Variants in KHDRBS2 observed in about 807,000 individuals in gnomAD.
KHDRBS2 encodes KH domain-containing, RNA-binding, signal transduction-associated protein 2.
A neutral mutation model predicts 44.3 loss-of-function variants in KHDRBS2; 26 were observed. That is an observed-to-expected ratio of 0.59 (90% CI 0.43 to 0.81). The LOEUF is 0.81. KHDRBS2 is among the 40% of genes least tolerant of loss of function. The pLI, the probability that KHDRBS2 is intolerant of heterozygous loss-of-function variation, is 0.00. For synonymous variants in KHDRBS2, 194 were observed against 151.1 expected, an observed-to-expected ratio of 1.28 and a Z score of -2.08; for missense variants, 476 against 433.1, an observed-to-expected ratio of 1.10 and a Z score of -0.88.
intron 2 of KHDRBS2, among the ~76,000 whole-genome samples, chr6:62,108,840 G>A (rs953601528): frequency 5.3e-5 from 8 of 151,990 alleles, no homozygotes; most frequent in African/African-American, 1.2e-4. Context: ...GCAAACTATC[G>A]CAAGGACAAA....
At chr6:61,705,999 C>G (rs796443355) in intron 7 of KHDRBS2, among the ~76,000 whole-genome samples, 14 of 151,860 alleles carry the variant, frequency 9.2e-5, no homozygotes, top group African/African-American at 3.4e-4. Flanking sequence ...CATTGTATTC[C>G]CAGGGGGCAA....
At chr6:62,157,444 G>A (rs1238783923) in intron 2 of KHDRBS2, among the ~76,000 whole-genome samples, 1 of 152,136 alleles carries the variant, frequency 6.6e-6, no homozygotes, top group Non-Finnish European at 1.5e-5. Context: ...CTGAAATGTA[G>A]AACATCTTGC....
At chr6:62,054,583 G>C (rs554224186) in intron 2 of KHDRBS2, among the ~76,000 whole-genome samples, 12 of 152,186 alleles carry the variant, frequency 7.9e-5, no homozygotes, top group African/African-American at 2.9e-4. Context: ...TTAAAAGAAA[G>C]AAGGAGGCAG....
rs116445256 is a variant in KHDRBS2, at chr6:62,267,066, A to G, written c.91+18792T>C. On this transcript the variant is annotated intron_variant, in intron 1 of 8. Coordinates refer to ENST00000281156, the MANE Select transcript of KHDRBS2 (RefSeq NM_152688.4). ...CTGGGAGAACCCAAACTGAAACATTATAAGAGATTGCTGTTATCCTATGAC... is the reference window on the plus strand; with the variant it reads ...CTGGGAGAACCCAAACTGAAACATTGTAAGAGATTGCTGTTATCCTATGAC... Among the ~76,000 whole-genome samples the G allele has an allele frequency of 2.5e-3, 387 of 152,174 alleles. 3 individuals carry two copies. Among genetic ancestry groups the G allele is most frequent in the African/African-American group, 8.5e-3 (353 of 41,554 alleles).
chr6:62,101,603 C>A (rs1207976788), intron 2 of KHDRBS2, among the ~76,000 whole-genome samples: 1 of 152,076 alleles, frequency 6.6e-6, no homozygotes, highest in East Asian at 1.9e-4. Flanking sequence ...GATATGTACT[C>A]TAGGTAGAGC....
chr6:61,730,168 C>G (rs779687832), intron 7 of KHDRBS2, among the ~76,000 whole-genome samples: 5 of 152,076 alleles, frequency 3.3e-5, no homozygotes, highest in Non-Finnish European at 5.9e-5. Flanking sequence ...GTTTCAGAAA[C>G]TATACTAGTA....
At chr6:61,775,648 C>G (rs547609920) in intron 6 of KHDRBS2, among the ~76,000 whole-genome samples, 2 of 152,116 alleles carry the variant, frequency 1.3e-5, no homozygotes, top group South Asian at 4.1e-4. Context: ...AAAGAGGATA[C>G]AAACAAATGG....
In KHDRBS2 at chr6:62,022,877, G is replaced by A. The variant is rs114188871; in HGVS notation, c.336+25001C>T. 1.6e-3 allele frequency among the ~76,000 whole-genome samples: 240 copies of A among 151,582 alleles called. 1 individual carries two copies. Among genetic ancestry groups the A allele is most frequent in the African/African-American group, 5.0e-3 (207 of 41,472 alleles). The stretch of plus-strand genomic sequence containing the variant: ...TTTGTTGTTTTCCTGTTAATTTGCC[G>A]TGTCACAAAGCAGTAAAAACATGTT... On this transcript the variant is annotated intron_variant, in intron 3 of 8. Transcript: ENST00000281156.
chr6:61,985,411 T>C (rs1774865174), intron 3 of KHDRBS2, among the ~76,000 whole-genome samples: 1 of 152,186 alleles, frequency 6.6e-6, no homozygotes, highest in African/African-American at 2.4e-5. Flanking sequence ...GCAAGAGCCT[T>C]GACCAGAAGT....
At chr6:61,682,586 G>A (rs770948638) in intron 8 of KHDRBS2, among the ~76,000 whole-genome samples, 1 of 151,736 alleles carries the variant, frequency 6.6e-6, no homozygotes, top group Non-Finnish European at 1.5e-5. Context: ...CTGCTTTCAC[G>A]ATACAAAGGA....
chr6:62,268,370 G>A (rs1215590691), intron 1 of KHDRBS2, among the ~76,000 whole-genome samples: 1 of 151,988 alleles, frequency 6.6e-6, no homozygotes, highest in Non-Finnish European at 1.5e-5. Flanking sequence ...AGTACTTGAG[G>A]GATAAGCATA....
chr6:62,252,370 T>C (rs1421585863), intron 1 of KHDRBS2, among the ~76,000 whole-genome samples: 1 of 151,964 alleles, frequency 6.6e-6, no homozygotes, highest in Admixed American at 6.6e-5. Context: ...ATAACACCTT[T>C]CCTGACTATT....
At chr6:62,169,577 G>A (rs1819597504) in intron 2 of KHDRBS2, among the ~76,000 whole-genome samples, 1 of 152,070 alleles carries the variant, frequency 6.6e-6, no homozygotes, top group Admixed American at 6.6e-5. Flanking sequence ...AAGCTGGGCA[G>A]TAGCCCTTAT....
intron 6 of KHDRBS2, among the ~76,000 whole-genome samples, chr6:61,860,489 G>T (rs1796769499): frequency 6.6e-6 from 1 of 151,958 alleles, no homozygotes; most frequent in South Asian, 2.1e-4. Flanking sequence ...TTCTGTTCCT[G>T]CATTAGTTTG....
intron 6 of KHDRBS2, among the ~76,000 whole-genome samples, chr6:61,734,860 A>G (rs1775078093): frequency 6.6e-6 from 1 of 152,168 alleles, no homozygotes; most frequent in Non-Finnish European, 1.5e-5. Context: ...TAATGTTTTT[A>G]TGTGTAACAT....
At chr6:61,948,296 A>G (rs542780537) in intron 4 of KHDRBS2, among the ~76,000 whole-genome samples, 1 of 152,232 alleles carries the variant, frequency 6.6e-6, no homozygotes, top group African/African-American at 2.4e-5. Flanking sequence ...ATATTTGTTC[A>G]TTATTTTATC....
chr6:62,027,902 G>T lies in KHDRBS2; in HGVS notation c.336+19976C>A, dbSNP rs111325818. Among the ~76,000 whole-genome samples, 10 of 152,168 alleles carry T rather than the reference G, an allele frequency of 6.6e-5. 1 individual carries two copies. Among genetic ancestry groups the T allele is most frequent in the Admixed American group, 3.3e-4 (5 of 15,254 alleles). The stretch of plus-strand genomic sequence containing the variant: ...AACCAATAATCTAGTTAAGTAAATT[G>T]TTTTCCTGAGTTCTGTGAGCCAGTC... On this transcript the variant is annotated intron_variant, in intron 3 of 8. Transcript: ENST00000281156.
At chr6:62,089,996 A>C (rs1419916942) in intron 2 of KHDRBS2, among the ~76,000 whole-genome samples, 1 of 152,162 alleles carries the variant, frequency 6.6e-6, no homozygotes, top group Non-Finnish European at 1.5e-5. Flanking sequence ...ACACAGGCGA[A>C]AATGATTCTC....
rs572851415 is a variant in KHDRBS2, at chr6:61,865,372, A to G, written c.810+29263T>C. 3.3e-5 allele frequency among the ~76,000 whole-genome samples: 5 copies of G among 152,336 alleles called. No individual in the cohort carries two copies. The South Asian group carries it at 6.2e-4, about 19-fold the overall frequency. ...ATGTGGCTGGGGAGGCCTCACAATCATGGTGGAAGGCAAGGAGGAGTAAGT... is the reference window on the plus strand; with the variant it reads ...ATGTGGCTGGGGAGGCCTCACAATCGTGGTGGAAGGCAAGGAGGAGTAAGT... On this transcript the variant is annotated intron_variant, in intron 6 of 8. Coordinates refer to ENST00000281156, the MANE Select transcript of KHDRBS2 (RefSeq NM_152688.4).
Sources: gnomAD v4.1 joint callset for allele counts (sites outside exome capture counted in the v4.1 genomes callset) on GRCh38, gnomAD v4.1.1 for gene constraint, MANE v1.5 for transcripts, NCBI Gene and HGNC (gene_info 2026-07-23, HGNC 2026-07-21) for gene names.